The following CNTN5 variants were observed in gnomAD, a reference collection of about 807,000 sequenced individuals.
CNTN5 encodes the protein contactin 5, also known as contactin-5.
CNTN5 carries 77 observed loss-of-function variants against 129.1 expected under a neutral mutation model. The ratio of observed to expected loss-of-function variants is 0.60; its 90% CI spans 0.50 to 0.72. The LOEUF is 0.72. Among genes scored for constraint, CNTN5 ranks in the 30% least tolerant of loss-of-function variants. CNTN5 has a pLI of 0.00. For missense variants in CNTN5, 1,478 were observed against 1,328.8 expected, an observed-to-expected ratio of 1.11 and a Z score of -1.75; for synonymous variants, 509 against 465.6, an observed-to-expected ratio of 1.09 and a Z score of -1.20.
In CNTN5 at chr11:99,721,269, G is replaced by A. The variant is rs565123279; in HGVS notation, c.56-98275G>A. On this transcript the variant is annotated intron_variant, in intron 3 of 24. Transcript: ENST00000524871. ...AAGGCTACAGTAATCAAAACAACATGGTAGTGGTGGAAAAACAGGCACATA... is the reference window on the plus strand; with the variant it reads ...AAGGCTACAGTAATCAAAACAACATAGTAGTGGTGGAAAAACAGGCACATA... 3.9e-5 allele frequency among the ~76,000 whole-genome samples: 6 copies of A among 152,208 alleles called. No homozygotes were observed. In the East Asian group the frequency reaches 1.2e-3, roughly 29 times the overall value.
intron 8 of CNTN5, among the ~76,000 whole-genome samples, chr11:99,976,275 T>C (rs1937964387): frequency 6.6e-6 from 1 of 152,216 alleles, no homozygotes; most frequent in African/African-American, 2.4e-5. Flanking sequence ...TGGCATTAAG[T>C]ACTTGCAGCT....
intron 3 of CNTN5, among the ~76,000 whole-genome samples, chr11:99,593,100 A>G (rs1950026769): frequency 6.6e-6 from 1 of 152,152 alleles, no homozygotes; most frequent in African/African-American, 2.4e-5. Flanking sequence ...GGCTTTTATA[A>G]CTAGCTTAGA....
intron 8 of CNTN5, among the ~76,000 whole-genome samples, chr11:99,996,787 T>G (rs1172303180): frequency 6.6e-6 from 1 of 152,096 alleles, no homozygotes; most frequent in Admixed American, 6.6e-5. Context: ...ACATCTTACA[T>G]GGCAGCAGGA....
intron 9 of CNTN5, among the ~76,000 whole-genome samples, chr11:100,059,033 CA>C (rs1943357483): frequency 1.3e-5 from 2 of 151,962 alleles, no homozygotes; most frequent in Admixed American, 1.3e-4. Flanking sequence ...CGACTGGGTC[CA>C]AAGCATGAAG....
intron 8 of CNTN5, among the ~76,000 whole-genome samples, chr11:99,972,003 ACTTTGGGAGG>A (rs1951272628): frequency 6.8e-6 from 1 of 147,238 alleles, no homozygotes; most frequent in African/African-American, 2.5e-5. Flanking sequence ...TAATCCCAGC[ACTTTGGGAGG>A]CTGAGGCAGG....
At chr11:99,027,086 A>T (rs1223884145) in intron 1 of CNTN5, among the ~76,000 whole-genome samples, 1 of 151,516 alleles carries the variant, frequency 6.6e-6, no homozygotes, top group Non-Finnish European at 1.5e-5. Context: ...CAGCTACATC[A>T]AATGACAGAA....
intron 21 of CNTN5, 45 bp from the exon 22 acceptor site, chr11:100,340,418 G>A (rs970862561): frequency 1.4e-6 from 2 of 1,448,410 alleles, no homozygotes; most frequent in Non-Finnish European, 9.5e-7. Context: ...CACAAGCACA[G>A]AGGAAGCTTT....
At chr11:99,964,067 A>G (rs1327605487) in intron 8 of CNTN5, among the ~76,000 whole-genome samples, 2 of 152,136 alleles carry the variant, frequency 1.3e-5, no homozygotes, top group Admixed American at 6.5e-5. Flanking sequence ...GGGTGAGACA[A>G]TGGGGTTTTC....
chr11:99,983,591 G>A lies in CNTN5; in HGVS notation c.878-18443G>A, dbSNP rs193050838. Among the ~76,000 whole-genome samples, 128 of 152,308 alleles carry A rather than the reference G, an allele frequency of 8.4e-4. 1 individual carries two copies. Among genetic ancestry groups the A allele is most frequent in the African/African-American group, 2.7e-3 (112 of 41,560 alleles). On this transcript the variant is annotated intron_variant, in intron 8 of 24. Coordinates refer to ENST00000524871, the MANE Select transcript of CNTN5 (RefSeq NM_014361.4). Reference sequence around the variant, plus strand: ...ACAAAAACTCTAGTAGTAGTAGGAGGAGAACAGATGAACAGATTAAAGGGT... The same window carrying A: ...ACAAAAACTCTAGTAGTAGTAGGAGAAGAACAGATGAACAGATTAAAGGGT...
chr11:99,219,661 A>AT (rs1565413081), intron 1 of CNTN5, among the ~76,000 whole-genome samples: 1 of 97,006 alleles, frequency 1.0e-5, no homozygotes, highest in East Asian at 1.3e-3. Flanking sequence ...TTTGAGTAAG[A>AT]TTAAAAAAAA....
At chr11:100,070,057 A>G (rs1164128397) in intron 10 of CNTN5, among the ~76,000 whole-genome samples, 1 of 151,650 alleles carries the variant, frequency 6.6e-6, no homozygotes, top group Non-Finnish European at 1.5e-5. Flanking sequence ...GTATATTTCT[A>G]CCCGTGCTAA....
chr11:99,195,722 AC>A (rs1467495799), intron 1 of CNTN5, among the ~76,000 whole-genome samples: 39 of 152,204 alleles, frequency 2.6e-4, no homozygotes, highest in African/African-American at 9.4e-4. Context: ...TTACAAATGG[AC>A]TAAAATATGG....
chr11:99,464,136 A>G (rs1289198770), intron 2 of CNTN5, among the ~76,000 whole-genome samples: 1 of 152,240 alleles, frequency 6.6e-6, no homozygotes, highest in Non-Finnish European at 1.5e-5. Context: ...TGGCTTATCC[A>G]GCATAAGTGT....
intron 9 of CNTN5, among the ~76,000 whole-genome samples, chr11:100,053,640 G>A (rs1179876378): frequency 6.6e-6 from 1 of 151,638 alleles, no homozygotes; most frequent in Non-Finnish European, 1.5e-5. Context: ...AAATTATACA[G>A]GTACAATGGA....
chr11:99,968,656 C>CTCTTTTTTTTTTTTT (rs1951161575), intron 8 of CNTN5, among the ~76,000 whole-genome samples: 1 of 73,870 alleles, frequency 1.4e-5, no homozygotes, highest in African/African-American at 4.8e-5. Context: ...GCTTTGGGTA[C>CTCTTTTTTTTTTTTT]TTTTTTTTTT....
chr11:99,880,991 A>G (rs906367253), intron 6 of CNTN5, among the ~76,000 whole-genome samples: 1 of 152,250 alleles, frequency 6.6e-6, no homozygotes. Context: ...CACTGAGAAA[A>G]TTAAGGCTAA....
intron 1 of CNTN5, among the ~76,000 whole-genome samples, chr11:99,156,243 GAAAC>G (rs1381775933): frequency 7.2e-5 from 11 of 151,894 alleles, no homozygotes; most frequent in Non-Finnish European, 1.6e-4. Flanking sequence ...ATGTGCAAGA[GAAAC>G]AAATAAGAAA....
intron 4 of CNTN5, among the ~76,000 whole-genome samples, chr11:99,834,425 C>T (rs1023105513): frequency 6.6e-6 from 1 of 152,026 alleles, no homozygotes; most frequent in Admixed American, 6.6e-5. Context: ...CTTTGGGAGG[C>T]TAAGGTAGAA....
At chr11:100,060,126 C>G (rs1943402133) in intron 9 of CNTN5, among the ~76,000 whole-genome samples, 1 of 151,506 alleles carries the variant, frequency 6.6e-6, no homozygotes, top group African/African-American at 2.4e-5. Flanking sequence ...AGGAGAATTG[C>G]TTCCGAGAGG....
Sources: gnomAD v4.1 joint callset for allele counts (sites outside exome capture counted in the v4.1 genomes callset) on GRCh38, gnomAD v4.1.1 for gene constraint, MANE v1.5 for transcripts, NCBI Gene and HGNC (gene_info 2026-07-23, HGNC 2026-07-21) for gene names.